Variants in NCKAP5 observed in about 807,000 individuals in gnomAD.
NCKAP5 encodes NCK associated protein 5.
NCKAP5 carries 92 observed loss-of-function variants against 167.0 expected under a neutral mutation model. The observed-to-expected ratio is 0.55, with a 90% CI of 0.47 to 0.66. NCKAP5 has a LOEUF of 0.66. NCKAP5 is among the 30% of genes least tolerant of loss of function. NCKAP5 has a pLI of 0.00. For missense variants in NCKAP5, 2,378 were observed against 2,315.0 expected (o/e 1.03, Z -0.56); for synonymous variants, 891 against 877.4 (o/e 1.02, Z -0.27).
At chr2:133,531,296 T>C (rs1035229843) in intron 2 of NCKAP5, among the ~76,000 whole-genome samples, 13 of 152,218 alleles carry the variant, frequency 8.5e-5, no homozygotes, top group African/African-American at 3.1e-4. Context: ...CATTAATTTA[T>C]TGAATTAATA....
chr2:132,794,257 TATATATAGAGAGAGAGAG>T (rs1237576641), intron 12 of NCKAP5, among the ~76,000 whole-genome samples: 16 of 40,960 alleles, frequency 3.9e-4, no homozygotes, highest in East Asian at 1.3e-3. Context: ...TATATATATA[TATATATAGAGAGAGAGAG>T]AGAGAGAGAG....
At chr2:133,355,452 A>G (rs1684645516) in intron 3 of NCKAP5, among the ~76,000 whole-genome samples, 1 of 152,240 alleles carries the variant, frequency 6.6e-6, no homozygotes, top group East Asian at 1.9e-4. Context: ...ACAACAAGAG[A>G]CAGTTCTTTC....
At chr2:133,043,866 G>GT (rs60249951) in intron 6 of NCKAP5, among the ~76,000 whole-genome samples, 8,546 of 141,586 alleles carry the variant, frequency 0.06, 393 homozygotes, top group African/African-American at 0.14. Context: ...TTCTGTAATA[G>GT]TTTTTTTTTT....
At chr2:132,854,875 G>A (rs1305266972) in intron 11 of NCKAP5, among the ~76,000 whole-genome samples, 1 of 152,108 alleles carries the variant, frequency 6.6e-6, no homozygotes, top group Non-Finnish European at 1.5e-5. Flanking sequence ...CATACAAAGT[G>A]GAACAGTTGA....
chr2:133,446,720 G>T (rs907878590), intron 3 of NCKAP5, among the ~76,000 whole-genome samples: 6 of 152,160 alleles, frequency 3.9e-5, no homozygotes, highest in African/African-American at 1.4e-4. Flanking sequence ...CAAGATGAAA[G>T]CTTAGAAGAG....
intron 3 of NCKAP5, chr2:133,381,389 T>C (rs1686510718): frequency 6.6e-6 from 1 of 152,184 alleles, no homozygotes; most frequent in South Asian, 2.1e-4. Context: ...ATAAATAACC[T>C]GATTAAGAGA....
At chr2:133,082,798 A>G (rs2080855970) in intron 6 of NCKAP5, among the ~76,000 whole-genome samples, 1 of 152,186 alleles carries the variant, frequency 6.6e-6, no homozygotes, top group African/African-American at 2.4e-5. Flanking sequence ...GTGTAATTAT[A>G]GACAGTTAAA....
intron 3 of NCKAP5, among the ~76,000 whole-genome samples, chr2:133,437,496 C>T (rs1271105322): frequency 1.3e-5 from 2 of 152,084 alleles, no homozygotes; most frequent in African/African-American, 4.8e-5. Flanking sequence ...TGTAAAAAAA[C>T]GTGATTTTAG....
intron 2 of NCKAP5, among the ~76,000 whole-genome samples, chr2:133,536,668 T>C (rs1192333417): frequency 1.3e-5 from 2 of 152,054 alleles, no homozygotes; most frequent in African/African-American, 4.8e-5. Context: ...TTGGTTTTTA[T>C]TATTGAGTTC....
intron 8 of NCKAP5, among the ~76,000 whole-genome samples, chr2:132,940,127 G>A (rs1355938927): frequency 6.6e-6 from 1 of 152,176 alleles, no homozygotes; most frequent in African/African-American, 2.4e-5. Context: ...ACTTACAAGT[G>A]AGAATATATG....
At chr2:133,008,643 G>A (rs72996812) in intron 6 of NCKAP5, among the ~76,000 whole-genome samples, 1,650 of 152,114 alleles carry the variant, frequency 0.011, 20 homozygotes, top group African/African-American at 0.036. Flanking sequence ...TTTAAAATAC[G>A]CAACTTAAGA....
At chr2:133,354,760 G>A (rs2150833961) in intron 3 of NCKAP5, among the ~76,000 whole-genome samples, 1 of 152,246 alleles carries the variant, frequency 6.6e-6, no homozygotes, top group East Asian at 1.9e-4. Flanking sequence ...AGACATTAAA[G>A]TTATACAGGA....
chr2:133,004,766 C>T (rs1211435334), intron 6 of NCKAP5, among the ~76,000 whole-genome samples: 5 of 152,126 alleles, frequency 3.3e-5, no homozygotes, highest in Admixed American at 3.3e-4. Context: ...ATTTCCTAAA[C>T]CTAGCAAGCC....
chr2:132,840,222 T>TA (rs2105418002), intron 11 of NCKAP5, among the ~76,000 whole-genome samples: 1 of 151,762 alleles, frequency 6.6e-6, no homozygotes, highest in East Asian at 1.9e-4. Flanking sequence ...GCAATTGCAG[T>TA]AAAAAGATTG....
chr2:133,094,653 C>T (rs2081290883), intron 6 of NCKAP5, among the ~76,000 whole-genome samples: 1 of 152,112 alleles, frequency 6.6e-6, no homozygotes, highest in African/African-American at 2.4e-5. Context: ...ATATCACACC[C>T]TGATTATGTT....
At chr2:133,308,281 G>A (rs1680946920) in intron 3 of NCKAP5, among the ~76,000 whole-genome samples, 1 of 151,494 alleles carries the variant, frequency 6.6e-6, no homozygotes, top group Non-Finnish European at 1.5e-5. Context: ...GTAGAGACGG[G>A]GTTTCACCAT....
chr2:133,606,745 GA>G, the NCKAP5 span, among the ~76,000 whole-genome samples: 20,567 of 120,462 alleles, frequency 0.17, 1,817 homozygotes, highest in African/African-American at 0.3. Flanking sequence ...GGAGTTCAGG[GA>G]AAAAAAAAAA....
At chr2:133,508,155 C>A (rs1315665335) in intron 3 of NCKAP5, among the ~76,000 whole-genome samples, 1 of 152,160 alleles carries the variant, frequency 6.6e-6, no homozygotes, top group African/African-American at 2.4e-5. Context: ...TTATAGTAGA[C>A]CTTGCTTAGG....
chr2:133,666,705 A>G, the NCKAP5 span, among the ~76,000 whole-genome samples: 1 of 143,538 alleles, frequency 7.0e-6, no homozygotes. Flanking sequence ...TCTAAATTAT[A>G]ATAGAATAGA....
Sources: allele counts gnomAD v4.1 joint callset (sites outside exome capture counted in the v4.1 genomes callset), GRCh38; gene constraint gnomAD v4.1.1; transcripts MANE v1.5; gene names NCBI Gene and HGNC (gene_info 2026-07-23, HGNC 2026-07-21).